The following CFAP44 variants were observed in gnomAD, a reference collection of about 807,000 sequenced individuals.
CFAP44 encodes cilia- and flagella-associated protein 44.
CFAP44 carries 134 observed loss-of-function variants against 216.2 expected under a neutral mutation model. The observed-to-expected ratio is 0.62, with a 90% CI of 0.54 to 0.72. CFAP44 has a LOEUF of 0.72. CFAP44 is among the 30% of genes least tolerant of loss of function. The probability of loss-of-function intolerance (pLI) is 0.00; values close to 1 mark genes in which losing one functional copy is unlikely to be tolerated. For synonymous variants in CFAP44, 700 were observed against 727.6 expected (o/e 0.96, Z 0.61); for missense variants, 2,035 against 2,182.1 (o/e 0.93, Z 1.34).
At chr3:113,323,816 G>A (rs532284139) in intron 28 of CFAP44, among the ~76,000 whole-genome samples, 8 of 152,218 alleles carry the variant, frequency 5.3e-5, no homozygotes, top group South Asian at 2.1e-4. Context: ...GGCCAAGGCC[G>A]GTGGAACACA....
At chr3:113,294,440 G>T in intron 34 of CFAP44, 1 of 442,630 alleles carries the variant, frequency 2.3e-6, no homozygotes, top group Non-Finnish European at 4.0e-6. Context: ...CCAGGACCAA[G>T]GCAATTCTAT....
rs1308930938 is a variant in CFAP44 at position 113,420,081 on chromosome 3, T to C, written c.506A>G (p.Asn169Ser). Residue 169 changes from asparagine to serine, a missense_variant, in exon 5 of 35, where the codon AAT becomes AGT. Asn to Ser is a conservative substitution (Grantham distance 46, BLOSUM62 1). This residue lies in a region of CFAP44 where 1,883 missense variants were observed against 2,023.7 expected (regional missense o/e 0.93). Coordinates refer to ENST00000393845, the MANE Select transcript of CFAP44 (RefSeq NM_001164496.2). ...GTAGATCTGTTCCTTGGTTTTCAAATTCAGAAAGATCAGTTGGTTCCCAGC... is the reference window on the plus strand; with the variant it reads ...GTAGATCTGTTCCTTGGTTTTCAAACTCAGAAAGATCAGTTGGTTCCCAGC... ...YIAGNQLIFL[N>S]LKTKEQIYLR... 2 of 1,614,034 alleles carry C rather than the reference T, an allele frequency of 1.2e-6. No individual in the cohort carries two copies. The highest frequency in any genetic ancestry group is 2.7e-5 in the African/African-American group (2 of 75,060).
intron 9 of CFAP44, among the ~76,000 whole-genome samples, chr3:113,402,176 T>C (rs1934160940): frequency 6.6e-6 from 1 of 152,246 alleles, no homozygotes. Context: ...ACTCAAGCAC[T>C]ATCTCATTAG....
chr3:113,375,485 A>C (rs1400354576), intron 17 of CFAP44, among the ~76,000 whole-genome samples: 1 of 152,196 alleles, frequency 6.6e-6, no homozygotes, highest in Non-Finnish European at 1.5e-5. Flanking sequence ...GATGTAAGAT[A>C]CATACGGAAC....
intron 24 of CFAP44, among the ~76,000 whole-genome samples, chr3:113,334,506 G>T (rs1950265907): frequency 6.6e-6 from 1 of 152,036 alleles, no homozygotes; most frequent in African/African-American, 2.4e-5. Context: ...GAATAAACCA[G>T]ACCAAACTAT....
intron 9 of CFAP44, 121 bp from the exon 10 acceptor site, chr3:113,401,860 C>A: frequency 2.7e-6 from 3 of 1,106,086 alleles, no homozygotes; most frequent in Non-Finnish European, 3.7e-6. Context: ...TGAAAAGTAA[C>A]AATGAACAAG....
chr3:113,432,539 A>G (rs1935132768), intron 2 of CFAP44, among the ~76,000 whole-genome samples: 1 of 152,168 alleles, frequency 6.6e-6, no homozygotes, highest in Non-Finnish European at 1.5e-5. Flanking sequence ...TTACCTCCAT[A>G]TATCTAAACA....
At chr3:113,347,151 C>T (rs999556510) in intron 22 of CFAP44, among the ~76,000 whole-genome samples, 4 of 152,152 alleles carry the variant, frequency 2.6e-5, no homozygotes, top group Admixed American at 6.5e-5. Context: ...AAGTGACTAG[C>T]GTGGCCGCCG....
At chr3:113,365,958 T>C (rs574854044) in intron 19 of CFAP44, 81 bp downstream of exon 19, 1 of 1,454,702 alleles carries the variant, frequency 6.9e-7, no homozygotes, top group African/African-American at 1.4e-5. Flanking sequence ...AACTTTTAAT[T>C]TATAACGAAT....
intron 29 of CFAP44, 148 bp from the exon 30 acceptor site, chr3:113,306,479 C>T: frequency 1.1e-6 from 1 of 926,670 alleles, no homozygotes; most frequent in Non-Finnish European, 1.6e-6. Flanking sequence ...CTTAATTGTT[C>T]CAGGTTGAAA....
rs116001330 is a variant in CFAP44, at chr3:113,391,791, G to A, written c.1890+3959C>T. Among the ~76,000 whole-genome samples the A allele has an allele frequency of 8.4e-3, 1,280 of 152,220 alleles. 24 individuals are homozygous for A. The highest frequency in any genetic ancestry group is 0.029 in the African/African-American group (1,211 of 41,550). On this transcript the variant is annotated intron_variant, in intron 15 of 34. Transcript: ENST00000393845. Reference sequence around the variant, plus strand: ...AAGAAGGCATGAGAATGGCAAACAGGTATATGAAAAGGTGCTCAACATCAC... The same window carrying A: ...AAGAAGGCATGAGAATGGCAAACAGATATATGAAAAGGTGCTCAACATCAC...
chr3:113,433,429 CAAAAAAAAAAAAAAAA>C (rs58221881), intron 2 of CFAP44, 120 bp downstream of exon 2: 5 of 127,776 alleles, frequency 3.9e-5, no homozygotes, highest in Non-Finnish European at 6.3e-5. Context: ...AACTCCATCT[CAAAAAAAAAAAAAAAA>C]AAAAAAAAAA....
At chr3:113,418,178 C>G (rs1934702553) in intron 5 of CFAP44, among the ~76,000 whole-genome samples, 2 of 152,174 alleles carry the variant, frequency 1.3e-5, no homozygotes, top group Admixed American at 1.3e-4. Flanking sequence ...ACCTCTGCCT[C>G]CCAGGCTCAA....
chr3:113,400,689 C>T (rs375175415), intron 11 of CFAP44, 45 bp from the exon 12 acceptor site: 199 of 1,513,200 alleles, frequency 1.3e-4, no homozygotes, highest in African/African-American at 4.6e-4. Context: ...GACAGAGTAA[C>T]AAAGAATTAA....
rs1445100996 is a variant in CFAP44, at chr3:113,363,482, G to A, written c.2766C>T (p.Ala922=). 9 of 1,610,164 alleles carry A rather than the reference G, an allele frequency of 5.6e-6. No individual in the cohort carries two copies. The highest frequency in any genetic ancestry group is 1.3e-5 in the African/African-American group (1 of 74,806). The part of the protein sequence containing the change: ...PIPEDIEDPK[A]YSIENARRKR... ...TTTATCAAAAATTCCCATACCTGTAGGCTTTGGGATCTTCAATGTCTTCTG... is the reference window on the plus strand; with the variant it reads ...TTTATCAAAAATTCCCATACCTGTAAGCTTTGGGATCTTCAATGTCTTCTG... The change falls in exon 20 of 35, where the codon GCC becomes GCT. Residue 922 remains alanine (A), a synonymous_variant. Transcript: ENST00000393845.
intron 19 of CFAP44, 112 bp from the exon 20 acceptor site, chr3:113,363,644 C>A: frequency 1.1e-6 from 1 of 940,470 alleles, no homozygotes; most frequent in Non-Finnish European, 1.5e-6. Flanking sequence ...TCTTTTTCTG[C>A]CAATTTCTAA....
Position 113,291,424 on chromosome 3 carries a change from A to T in CFAP44, c.*133T>A. The T allele has an allele frequency of 9.7e-7, 1 of 1,034,556 alleles. No homozygotes were observed. Among genetic ancestry groups the T allele is most frequent in the Non-Finnish European group, 1.4e-6 (1 of 727,416 alleles). The allele number at this position is 1,034,556 out of a possible 1,614,324, so 64.1% of individuals were successfully genotyped here. ...GTAGAGAGATTCTTAAAGTGACTTA[A>T]CGTGACTGGATCTGGTTTTACACTT... On this transcript the variant is annotated 3_prime_UTR_variant, in exon 35 of 35. Transcript: ENST00000393845.
chr3:113,410,960 T>A lies in CFAP44; in HGVS notation c.674-1638A>T, dbSNP rs200593093. ...CATAAATGTCTTCTTTTGAGAAGTG[T>A]CTGTTCATATCCTTCACCCACTTTT... is the stretch of plus-strand genomic sequence containing the variant. On this transcript the variant is annotated intron_variant, in intron 6 of 34. Coordinates refer to ENST00000393845, the MANE Select transcript of CFAP44 (RefSeq NM_001164496.2). 1.3e-4 allele frequency among the ~76,000 whole-genome samples: 20 copies of A among 152,364 alleles called. No individual in the cohort carries two copies. The East Asian group carries it at 3.9e-3, about 29-fold the overall frequency.
intron 1 of CFAP44, 158 bp from the exon 2 acceptor site, chr3:113,433,827 A>G: frequency 1.7e-6 from 1 of 582,028 alleles, no homozygotes; most frequent in Non-Finnish European, 3.1e-6. Context: ...GGGTGCAACT[A>G]CCACCAGAGA....
Sources: gnomAD v4.1 joint callset for allele counts (sites outside exome capture counted in the v4.1 genomes callset) on GRCh38, gnomAD v4.1.1 for gene constraint, gnomAD v4.1.1 regional missense constraint, MANE v1.5 for transcripts, NCBI Gene and HGNC (gene_info 2026-07-23, HGNC 2026-07-21) for gene names.